Variants in AGBL1 observed in about 807,000 individuals in gnomAD.
AGBL1 encodes the protein cytosolic carboxypeptidase 4.
In AGBL1, 130 loss-of-function variants were observed where a neutral mutation model predicts 118.9. The observed-to-expected ratio is 1.09, with a 90% CI of 0.95 to 1.26. The LOEUF is 1.26. Ranked by LOEUF, AGBL1 falls within the 50% of genes most tolerant of loss-of-function variation. The pLI is 0.00. For missense variants in AGBL1, 1,584 were observed against 1,298.1 expected (o/e 1.22, Z -3.38); for synonymous variants, 555 against 478.9 (o/e 1.16, Z -2.08).
chr15:86,589,033 A>T (rs1019173022), intron 21 of AGBL1, among the ~76,000 whole-genome samples: 1 of 152,118 alleles, frequency 6.6e-6, no homozygotes, highest in African/African-American at 2.4e-5. Context: ...ATATATGTAT[A>T]TATACACTGT....
chr15:86,381,527 C>G (rs1454586403), intron 17 of AGBL1, among the ~76,000 whole-genome samples: 1 of 151,876 alleles, frequency 6.6e-6, no homozygotes, highest in African/African-American at 2.4e-5. Context: ...GAGGCTTGTT[C>G]TGGCTCAAGA....
chr15:86,217,907 C>T (rs908338215), intron 5 of AGBL1, among the ~76,000 whole-genome samples: 9 of 152,116 alleles, frequency 5.9e-5, no homozygotes, highest in African/African-American at 1.4e-4. Flanking sequence ...ATCTGAGCCT[C>T]TGATTGAGAA....
chr15:86,617,986 A>T (rs1441866894), intron 21 of AGBL1, among the ~76,000 whole-genome samples: 1 of 152,180 alleles, frequency 6.6e-6, no homozygotes, highest in Non-Finnish European at 1.5e-5. Context: ...TAATCATAAC[A>T]TTTCTATAAG....
intron 18 of AGBL1, among the ~76,000 whole-genome samples, chr15:86,459,660 G>A (rs901803932): frequency 1.1e-4 from 17 of 151,964 alleles, no homozygotes; most frequent in Admixed American, 8.5e-4. Context: ...CACAATACAT[G>A]GTTATCTCAA....
chr15:86,102,652 G>A (rs960415345), intron 1 of AGBL1, among the ~76,000 whole-genome samples: 10 of 152,160 alleles, frequency 6.6e-5, no homozygotes, highest in Non-Finnish European at 1.5e-5. Context: ...GAAATTCCCT[G>A]TTAGTCTAAT....
At chr15:86,724,068 TA>T (rs2086779329) in intron 22 of AGBL1, among the ~76,000 whole-genome samples, 1 of 151,860 alleles carries the variant, frequency 6.6e-6, no homozygotes, top group Non-Finnish European at 1.5e-5. Flanking sequence ...AACCCGTCTC[TA>T]ATAAAAATAC....
intron 18 of AGBL1, among the ~76,000 whole-genome samples, chr15:86,511,667 T>C (rs1347865347): frequency 6.6e-6 from 1 of 151,952 alleles, no homozygotes; most frequent in South Asian, 2.1e-4. Flanking sequence ...AGAATACATA[T>C]AGCAGTTAAT....
intron 22 of AGBL1, among the ~76,000 whole-genome samples, chr15:86,900,795 G>A (rs192213663): frequency 6.6e-6 from 1 of 152,008 alleles, no homozygotes; most frequent in East Asian, 1.9e-4. Flanking sequence ...CTTCTTTAAA[G>A]CTTTTGATAC....
intron 24 of AGBL1, among the ~76,000 whole-genome samples, chr15:87,005,130 CT>C (rs2081484951): frequency 2.6e-5 from 4 of 152,234 alleles, no homozygotes; most frequent in African/African-American, 9.6e-5. Context: ...ACATTTTTTC[CT>C]TCATTTCAAC....
intron 22 of AGBL1, among the ~76,000 whole-genome samples, chr15:86,846,409 A>C (rs2079319175): frequency 2.0e-5 from 3 of 152,184 alleles, no homozygotes; most frequent in African/African-American, 7.2e-5. Context: ...CATAAGGAGA[A>C]ATTCTACTTG....
chr15:86,729,330 A>C (rs894883927), intron 22 of AGBL1, among the ~76,000 whole-genome samples: 1 of 152,064 alleles, frequency 6.6e-6, no homozygotes, highest in Non-Finnish European at 1.5e-5. Flanking sequence ...CAGGTTTGTT[A>C]TGTGTATAAA....
intron 24 of AGBL1, among the ~76,000 whole-genome samples, chr15:87,003,137 T>G (rs1157436567): frequency 2.0e-5 from 3 of 152,180 alleles, no homozygotes; most frequent in African/African-American, 7.2e-5. Flanking sequence ...CTCTTATTAT[T>G]TTCAGATACG....
intron 22 of AGBL1, among the ~76,000 whole-genome samples, chr15:86,780,657 C>CTTTTTTTTT (rs71144066): frequency 2.8e-5 from 4 of 143,004 alleles, no homozygotes; most frequent in Non-Finnish European, 3.0e-5. Flanking sequence ...TCTTTAACTT[C>CTTTTTTTTT]TTTTTTTTTT....
chr15:86,543,498 CTG>C lies in AGBL1; in HGVS notation c.2686-2501_2686-2500del, dbSNP rs1280718901. Among the ~76,000 whole-genome samples, 5 of 152,242 alleles carry C rather than the reference CTG, an allele frequency of 3.3e-5. No homozygotes were observed. The East Asian group carries it at 7.7e-4, about 24-fold the overall frequency. On this transcript the variant is annotated intron_variant, in intron 19 of 22. Coordinates refer to ENST00000614907, the MANE Select transcript of AGBL1 (RefSeq NM_001386094.1). ...CTTTTAATGTTTTGATTCAAAGAGA[CTG>C]TGACTTTTTCAGACCAAAATGATCT... is the stretch of plus-strand genomic sequence containing the variant.
chr15:86,524,441 T>G (rs2083234425), intron 19 of AGBL1, among the ~76,000 whole-genome samples: 1 of 152,192 alleles, frequency 6.6e-6, no homozygotes, highest in Non-Finnish European at 1.5e-5. Flanking sequence ...AATTTCCAGG[T>G]ATCCTTGCCC....
At chr15:86,154,703 G>A in intron 4 of AGBL1, 142 bp downstream of exon 4, 1 of 1,103,348 alleles carries the variant, frequency 9.1e-7, no homozygotes, top group Non-Finnish European at 1.2e-6. Flanking sequence ...AAAAGAGACT[G>A]ACAATCCAGA....
intron 22 of AGBL1, among the ~76,000 whole-genome samples, chr15:86,750,252 T>C (rs2077827718): frequency 6.6e-6 from 1 of 152,084 alleles, no homozygotes; most frequent in African/African-American, 2.4e-5. Context: ...TACTTTTTTA[T>C]TTTTAATTAT....
intron 22 of AGBL1, among the ~76,000 whole-genome samples, chr15:86,818,429 G>A (rs1033222761): frequency 5.3e-5 from 8 of 152,178 alleles, no homozygotes; most frequent in Admixed American, 3.9e-4. Flanking sequence ...AATCCAGGTT[G>A]CATGCTCCTG....
intron 5 of AGBL1, among the ~76,000 whole-genome samples, chr15:86,188,046 A>G (rs984448021): frequency 6.6e-6 from 1 of 152,224 alleles, no homozygotes; most frequent in African/African-American, 2.4e-5. Context: ...CGTCTCTCAA[A>G]TGATACCAAT....
Sources: gnomAD v4.1 joint callset for allele counts (sites outside exome capture counted in the v4.1 genomes callset) on GRCh38, gnomAD v4.1.1 for gene constraint, MANE v1.5 for transcripts, NCBI Gene and HGNC (gene_info 2026-07-23, HGNC 2026-07-21) for gene names.